Variants in EPHA5 observed in about 807,000 individuals in gnomAD.
EPHA5 encodes EPH receptor A5, also known as ephrin type-A receptor 5.
EPHA5 carries 60 observed loss-of-function variants against 105.0 expected under a neutral mutation model. The ratio of observed to expected loss-of-function variants is 0.57; its 90% CI spans 0.46 to 0.71. The LOEUF (loss-of-function observed/expected upper bound fraction) is 0.71. EPHA5 is among the 30% of genes least tolerant of loss of function. The pLI, the probability that EPHA5 is intolerant of heterozygous loss-of-function variation, is 0.00. For synonymous variants in EPHA5, 513 were observed against 449.1 expected, an observed-to-expected ratio of 1.14 and a Z score of -1.80; for missense variants, 1,218 against 1,274.7, an observed-to-expected ratio of 0.96 and a Z score of 0.68.
At chr4:65,461,069 A>G (rs1728076624) in intron 5 of EPHA5, among the ~76,000 whole-genome samples, 1 of 151,914 alleles carries the variant, frequency 6.6e-6, no homozygotes, top group Admixed American at 6.6e-5. Flanking sequence ...TAAATCATAA[A>G]TACCCTCATA....
intron 11 of EPHA5, among the ~76,000 whole-genome samples, chr4:65,357,630 C>G (rs989857193): frequency 6.6e-5 from 10 of 151,262 alleles, no homozygotes; most frequent in African/African-American, 2.4e-4. Context: ...GTTAAACCCA[C>G]AGAAGCAGAA....
intron 15 of EPHA5, among the ~76,000 whole-genome samples, chr4:65,332,661 T>A (rs1376421): frequency 2.0e-5 from 3 of 150,918 alleles, no homozygotes; most frequent in South Asian, 2.1e-4. Flanking sequence ...TAAGGAGTAC[T>A]TGGGAGATCT....
chr4:65,601,750 C>A lies in EPHA5; in HGVS notation c.801G>T (p.Val267=). The A allele has an allele frequency of 1.2e-6, 2 of 1,614,068 alleles. No individual in the cohort carries two copies. Among genetic ancestry groups the A allele is most frequent in the South Asian group, 2.2e-5 (2 of 91,060 alleles). The part of the protein sequence containing the change: ...EVSGSCVNHS[V]TDEPPKMHCS... ...AGTGCATTTTGGGAGGTTCATCGGT[C>A]ACAGAATGGTTGACACAGGAGCCTG... Residue 267 remains valine, a synonymous_variant, in exon 3 of 17, where the codon GTG becomes GTT. Coordinates refer to ENST00000613740, the MANE Select transcript of EPHA5 (RefSeq NM_001281766.3).
At chr4:65,564,607 T>C (rs541538080) in intron 3 of EPHA5, among the ~76,000 whole-genome samples, 5 of 151,806 alleles carry the variant, frequency 3.3e-5, no homozygotes, top group Admixed American at 1.3e-4. Flanking sequence ...CTTTAAACCC[T>C]TCTTAGCTAC....
intron 5 of EPHA5, among the ~76,000 whole-genome samples, chr4:65,433,064 G>A (rs4241666): frequency 0.97 from 147,787 of 152,146 alleles, 71,955 homozygotes; most frequent in East Asian, 1. Flanking sequence ...CAAAACACTC[G>A]CTAATGCAAA....
At chr4:65,645,119 T>C (rs1421131900) in intron 1 of EPHA5, among the ~76,000 whole-genome samples, 1 of 152,064 alleles carries the variant, frequency 6.6e-6, no homozygotes, top group East Asian at 1.9e-4. Context: ...CTACATCTAA[T>C]TTTTCAGACA....
rs1009434796 is a variant in EPHA5, at chr4:65,521,973, C to T, written c.911-26430G>A. ...TTTGATTCTGAAAATCATTATGTAA[C>T]TTAACTTTTCCCTTCACTTTACATT... On this transcript the variant is annotated intron_variant, in intron 3 of 16. Coordinates refer to ENST00000613740, the MANE Select transcript of EPHA5 (RefSeq NM_001281766.3). Among the ~76,000 whole-genome samples the T allele has an allele frequency of 3.9e-5, 6 of 151,984 alleles. No individual in the cohort carries two copies. In the East Asian group the frequency reaches 5.8e-4, roughly 15 times the overall value.
rs765062501 is a variant in EPHA5 at position 65,366,049 on chromosome 4, G to T, written c.1870C>A (p.Pro624Thr). The T allele has an allele frequency of 7.5e-6, 12 of 1,595,846 alleles. No homozygotes were observed. The highest frequency in any genetic ancestry group is 2.7e-5 in the African/African-American group (2 of 74,538). ...GGATCAATGTAAGTTCTTACTCCTG[G>T]CAGTTTAACTGTAAATATAAATTGG... Reference protein sequence around the residue: ...MHFHNGHIKLPGVRTYIDPHT... With the variant: ...MHFHNGHIKLTGVRTYIDPHT... The change falls in exon 10 of 17, where the codon CCA becomes ACA. Residue 624 changes from proline to threonine, a missense_variant. Pro to Thr is a conservative substitution (Grantham distance 38). Transcript: ENST00000613740.
At chr4:65,538,011 C>A (rs550509197) in intron 3 of EPHA5, among the ~76,000 whole-genome samples, 34 of 151,738 alleles carry the variant, frequency 2.2e-4, no homozygotes, top group Non-Finnish European at 4.7e-4. Context: ...ATACTTTTCT[C>A]ATTTTAGAAA....
intron 5 of EPHA5, among the ~76,000 whole-genome samples, chr4:65,483,160 T>C (rs1460732723): frequency 2.0e-5 from 3 of 152,188 alleles, no homozygotes; most frequent in African/African-American, 7.2e-5. Context: ...GGTTTCCAGC[T>C]TCATCCATGT....
chr4:65,332,320 T>G (rs1720700987), intron 15 of EPHA5, among the ~76,000 whole-genome samples, 192 bp from the exon 16 acceptor site: 1 of 151,832 alleles, frequency 6.6e-6, no homozygotes, highest in Admixed American at 6.6e-5. Flanking sequence ...CTACTGAGAT[T>G]ATTTTATCCA....
intron 5 of EPHA5, among the ~76,000 whole-genome samples, chr4:65,476,165 T>C (rs1432475819): frequency 6.8e-6 from 1 of 146,978 alleles, no homozygotes; most frequent in Non-Finnish European, 1.5e-5. Context: ...TGTGTTAAAA[T>C]ATGCAGATTA....
intron 11 of EPHA5, 143 bp from the exon 12 acceptor site, chr4:65,353,246 A>G (rs1240575572): frequency 7.7e-6 from 1 of 129,438 alleles, no homozygotes; most frequent in East Asian, 2.2e-4. Flanking sequence ...ATATTAAAAA[A>G]TAAAATTTAT....
intron 3 of EPHA5, among the ~76,000 whole-genome samples, chr4:65,535,343 G>T (rs1736189900): frequency 1.3e-5 from 2 of 152,088 alleles, no homozygotes; most frequent in Non-Finnish European, 2.9e-5. Context: ...AGACACAGAA[G>T]AATGAAGCAG....
At chr4:65,364,666 C>T (rs1303498987) in intron 11 of EPHA5, among the ~76,000 whole-genome samples, 1 of 151,370 alleles carries the variant, frequency 6.6e-6, no homozygotes, top group African/African-American at 2.4e-5. Flanking sequence ...GAATGTTAAA[C>T]TTCAATGCTT....
intron 8 of EPHA5, among the ~76,000 whole-genome samples, chr4:65,388,222 G>A (rs1404745738): frequency 1.3e-5 from 2 of 149,556 alleles, no homozygotes; most frequent in South Asian, 2.1e-4. Flanking sequence ...TATCATTGTT[G>A]GACATTTGGG....
Position 65,414,401 on chromosome 4 carries a change from T to C in EPHA5, c.1570A>G (p.Thr524Ala), listed in dbSNP as rs1347090820. Residue 524 changes from threonine to alanine, a missense_variant, in exon 7 of 17, where the codon ACT becomes GCT. Physicochemically the swap from Thr to Ala is moderately conservative, Grantham distance 58. This residue lies in a region of EPHA5 where 971 missense variants were observed against 1,013.5 expected (regional missense o/e 0.96). Coordinates refer to ENST00000613740, the MANE Select transcript of EPHA5 (RefSeq NM_001281766.3). ...GGTTTCAAGCCCTCTGCAGTAATAG[T>C]TGTCTCTTTAGATTTGATAATCGTG... ...SYTIIKSKET[T>A]ITAEGLKPAS... 4 of 1,613,874 alleles carry C rather than the reference T, an allele frequency of 2.5e-6. No individual in the cohort carries two copies. The highest frequency in any genetic ancestry group is 2.7e-5 in the African/African-American group (2 of 74,926).
chr4:65,499,286 A>G (rs565417317), intron 3 of EPHA5, among the ~76,000 whole-genome samples: 3 of 151,610 alleles, frequency 2.0e-5, no homozygotes, highest in Non-Finnish European at 4.4e-5. Context: ...AATTATCTGT[A>G]TTTGAATTAG....
chr4:65,540,421 CT>C (rs1736705186), intron 3 of EPHA5, among the ~76,000 whole-genome samples: 1 of 151,174 alleles, frequency 6.6e-6, no homozygotes, highest in Admixed American at 6.6e-5. Flanking sequence ...AACTATTATT[CT>C]CCCTTAAGTT....
Sources: gnomAD v4.1 joint callset for allele counts (sites outside exome capture counted in the v4.1 genomes callset) on GRCh38, gnomAD v4.1.1 for gene constraint, gnomAD v4.1.1 regional missense constraint, MANE v1.5 for transcripts, NCBI Gene and HGNC (gene_info 2026-07-23, HGNC 2026-07-21) for gene names.